The following ZNF705A variants were observed in gnomAD, a reference collection of about 807,000 sequenced individuals.
ZNF705A encodes the protein zinc finger protein 705A.
ZNF705A carries 8 observed loss-of-function variants against 16.6 expected under a neutral mutation model. The observed-to-expected ratio is 0.48, with a 90% CI of 0.28 to 0.87. The LOEUF (loss-of-function observed/expected upper bound fraction) is 0.87. Among genes scored for constraint, ZNF705A ranks in the 40% least tolerant of loss-of-function variants. The pLI, the probability that ZNF705A is intolerant of heterozygous loss-of-function variation, is 0.10. For synonymous variants in ZNF705A, 73 were observed against 117.3 expected, an observed-to-expected ratio of 0.62 and a Z score of 2.44; for missense variants, 233 against 359.9, an observed-to-expected ratio of 0.65 and a Z score of 2.85.
intron 1 of ZNF705A, among the ~76,000 whole-genome samples, chr12:8,166,583 C>A (rs1948401117): frequency 6.6e-6 from 1 of 152,248 alleles, no homozygotes; most frequent in South Asian, 2.1e-4. Flanking sequence ...CCATGTGGAA[C>A]TGTAAGTCCA....
At chr12:8,168,713 G>A (rs1435119985), upstream of ZNF705A, 1 of 152,222 alleles carries the variant, frequency 6.6e-6, no homozygotes, top group East Asian at 1.9e-4. Flanking sequence ...GGACAATGCA[G>A]ATATAGAGAA....
chr12:8,165,629 G>T (rs1164566797), intron 1 of ZNF705A, among the ~76,000 whole-genome samples: 2 of 151,954 alleles, frequency 1.3e-5, no homozygotes, highest in African/African-American at 4.8e-5. Flanking sequence ...AACCCAGATA[G>T]AAAACATAAT....
At chr12:8,176,502 A>AT (rs1208922214) in intron 4 of ZNF705A, among the ~76,000 whole-genome samples, 1 of 152,174 alleles carries the variant, frequency 6.6e-6, no homozygotes, top group Non-Finnish European at 1.5e-5. Context: ...GTGAATCTGG[A>AT]TTTTTTCACA....
At chr12:8,169,242 T>C (rs1350577482), upstream of ZNF705A, among the ~76,000 whole-genome samples, 4 of 152,354 alleles carry the variant, frequency 2.6e-5, no homozygotes, top group East Asian at 7.7e-4. Context: ...CAGGGCACGG[T>C]GCTTTCACAC....
At chr12:8,172,848 G>A (rs112844519) in intron 1 of ZNF705A, among the ~76,000 whole-genome samples, 5 of 152,116 alleles carry the variant, frequency 3.3e-5, no homozygotes, top group African/African-American at 4.8e-5. Flanking sequence ...ACTCTAGGTG[G>A]GGTATCGTGT....
chr12:8,176,302 C>T (rs1352300982), intron 4 of ZNF705A, among the ~76,000 whole-genome samples: 1 of 152,198 alleles, frequency 6.6e-6, no homozygotes, highest in African/African-American at 2.4e-5. Flanking sequence ...CAAGACAAGT[C>T]TCAATCATTT....
chr12:8,171,758 A>C (rs1429438032), upstream of ZNF705A, among the ~76,000 whole-genome samples: 3 of 151,860 alleles, frequency 2.0e-5, no homozygotes, highest in Non-Finnish European at 4.4e-5. Context: ...TTTTTTTGAG[A>C]CAGAGTCTCG....
rs1170694687 is a variant in ZNF705A, at chr12:8,165,405, C to T, written c.-71-7150C>T. Among the ~76,000 whole-genome samples, 4 of 149,732 alleles carry T rather than the reference C, an allele frequency of 2.7e-5. No homozygotes were observed. In the East Asian group the frequency reaches 7.8e-4, roughly 29 times the overall value. On this transcript the variant is annotated intron_variant, in intron 1 of 5. Transcript: ENST00000396570. Reference sequence around the variant, plus strand: ...TCACACCATTCTCCTGCCTCAGCCTCCCAAGTAGCTGGGACTACAGGCACC... The same window carrying T: ...TCACACCATTCTCCTGCCTCAGCCTTCCAAGTAGCTGGGACTACAGGCACC...
upstream of ZNF705A, among the ~76,000 whole-genome samples, chr12:8,170,188 C>G (rs868839762): frequency 1.2e-4 from 14 of 114,974 alleles, no homozygotes; most frequent in East Asian, 2.2e-4. Flanking sequence ...AAACTCTCCC[C>G]CCCCCCCCAA....
At chr12:8,165,495 C>T (rs1475693866) in intron 1 of ZNF705A, among the ~76,000 whole-genome samples, 20 of 106,600 alleles carry the variant, frequency 1.9e-4, no homozygotes, top group Admixed American at 5.7e-4. Flanking sequence ...AAGGTTTCAT[C>T]GTGTTAGCCA....
intron 1 of ZNF705A, among the ~76,000 whole-genome samples, chr12:8,166,574 C>T (rs776123835): frequency 1.5e-4 from 23 of 152,234 alleles, no homozygotes; most frequent in Non-Finnish European, 2.4e-4. Context: ...TCCCCCCAAC[C>T]ATGTGGAACT....
upstream of ZNF705A, among the ~76,000 whole-genome samples, chr12:8,167,913 G>A (rs891726779): frequency 6.6e-6 from 1 of 152,204 alleles, no homozygotes; most frequent in Non-Finnish European, 1.5e-5. Context: ...GATGCCTGAA[G>A]GTCCAAGAAA....
At chr12:8,159,058 T>C (rs896198584) in intron 1 of ZNF705A, among the ~76,000 whole-genome samples, 1 of 152,150 alleles carries the variant, frequency 6.6e-6, no homozygotes, top group Non-Finnish European at 1.5e-5. Flanking sequence ...TGAGCACATA[T>C]GATGTTTAGT....
chr12:8,164,980 C>T (rs1948386080), intron 1 of ZNF705A, among the ~76,000 whole-genome samples: 1 of 152,116 alleles, frequency 6.6e-6, no homozygotes, highest in African/African-American at 2.4e-5. Flanking sequence ...TATATCTCAA[C>T]GGCCTCATCA....
intron 1 of ZNF705A, among the ~76,000 whole-genome samples, chr12:8,157,407 T>C (rs1948318499): frequency 1.3e-5 from 2 of 152,080 alleles, no homozygotes; most frequent in South Asian, 4.1e-4. Context: ...AGAAACCCTT[T>C]TTGGGAGAAT....
At chr12:8,177,697 T>C (rs1349109052) in exon 5 of ZNF705A, 4 of 1,472,448 alleles carry the variant, frequency 2.7e-6, no homozygotes, top group African/African-American at 2.8e-5. Flanking sequence ...GAGAGAAAAT[T>C]ATAAACTTCT....
In ZNF705A at chr12:8,163,598, G is replaced by A. The variant is rs1379620287; in HGVS notation, c.-72+6506G>A. On this transcript the variant is annotated intron_variant, in intron 1 of 5. Coordinates refer to the ZNF705A transcript ENST00000396570. ...TTTTCCTACTCATAAAGGAGCATAT[G>A]TTCTCTATATGTATATAAAATTAAT... is the stretch of plus-strand genomic sequence containing the variant. Among the ~76,000 whole-genome samples, 2 of 152,200 alleles carry A rather than the reference G, an allele frequency of 1.3e-5. 1 individual carries two copies. The highest frequency in any genetic ancestry group is 2.9e-5 in the Non-Finnish European group (2 of 68,046).
At chr12:8,165,964 TATA>T (rs1359095959) in intron 1 of ZNF705A, among the ~76,000 whole-genome samples, 2 of 152,270 alleles carry the variant, frequency 1.3e-5, no homozygotes, top group African/African-American at 4.8e-5. Flanking sequence ...CAAATAATGC[TATA>T]ATAAATATAT....
chr12:8,177,648 A>C (rs766975762), exon 5 of ZNF705A: 3 of 1,594,202 alleles, frequency 1.9e-6, no homozygotes, highest in Admixed American at 3.5e-5. Context: ...GCCTTCAGTC[A>C]ATGTACTAGT....
Sources: allele counts gnomAD v4.1 joint callset (sites outside exome capture counted in the v4.1 genomes callset), GRCh38; gene constraint gnomAD v4.1.1; transcripts MANE v1.5; gene names NCBI Gene and HGNC (gene_info 2026-07-23, HGNC 2026-07-21).